Variants in METTL15 observed in about 807,000 individuals in gnomAD.
The protein encoded by METTL15 is 12S rRNA N(4)-cytidine methyltransferase METTL15.
In METTL15, 34 loss-of-function variants were observed where a neutral mutation model predicts 38.3. The observed-to-expected ratio is 0.89, with a 90% CI of 0.68 to 1.18. METTL15 has a LOEUF of 1.18. METTL15 is among the 50% of genes most tolerant of loss of function. METTL15 has a pLI of 0.00. For synonymous variants in METTL15, 162 were observed against 170.9 expected (o/e 0.95, Z 0.41); for missense variants, 438 against 498.4 (o/e 0.88, Z 1.15).
intron 5 of METTL15, among the ~76,000 whole-genome samples, chr11:28,378,885 A>G (rs137971170): frequency 2.6e-5 from 4 of 151,280 alleles, no homozygotes; most frequent in East Asian, 1.9e-4. Flanking sequence ...TTTTATTACA[A>G]CTTTTATCTC....
intron 4 of METTL15, among the ~76,000 whole-genome samples, chr11:28,218,854 A>T (rs1338713031): frequency 8.5e-5 from 13 of 152,134 alleles, no homozygotes. Context: ...TATATGCTGG[A>T]ATACGTTTAT....
chr11:28,135,675 C>G (rs1457029774), intron 3 of METTL15, among the ~76,000 whole-genome samples: 1 of 152,174 alleles, frequency 6.6e-6, no homozygotes, highest in Non-Finnish European at 1.5e-5. Context: ...TGCATAGATG[C>G]AAATAACTAT....
chr11:28,215,107 C>A (rs1179670349), intron 4 of METTL15, among the ~76,000 whole-genome samples: 2 of 152,084 alleles, frequency 1.3e-5, no homozygotes, highest in African/African-American at 4.8e-5. Context: ...TATGATTGGA[C>A]AAAAAGGATA....
At chr11:28,378,353 C>T (rs1171673017) in intron 5 of METTL15, among the ~76,000 whole-genome samples, 1 of 152,206 alleles carries the variant, frequency 6.6e-6, no homozygotes, top group Admixed American at 6.5e-5. Context: ...GATATAATCT[C>T]GTGGTGCATC....
chr11:28,170,214 G>C (rs1850807554), intron 3 of METTL15, among the ~76,000 whole-genome samples: 1 of 152,086 alleles, frequency 6.6e-6, no homozygotes, highest in South Asian at 2.1e-4. Context: ...CACAGGATGG[G>C]GACTTGGACT....
intron 6 of METTL15, among the ~76,000 whole-genome samples, chr11:28,322,132 A>T (rs1209710095): frequency 6.6e-6 from 1 of 152,052 alleles, no homozygotes; most frequent in African/African-American, 2.4e-5. Context: ...AGTGGGAAAA[A>T]CCTTCCTAAA....
At chr11:28,220,896 C>T (rs1313867757) in intron 4 of METTL15, among the ~76,000 whole-genome samples, 1 of 152,214 alleles carries the variant, frequency 6.6e-6, no homozygotes, top group African/African-American at 2.4e-5. Context: ...GGCCCCCACT[C>T]TCTTCTGGCT....
chr11:28,290,437 C>A (rs758129512), intron 5 of METTL15, 40 bp downstream of exon 5: 5 of 1,552,766 alleles, frequency 3.2e-6, no homozygotes, highest in African/African-American at 1.4e-5. Flanking sequence ...AACAAGAAAT[C>A]AATTTGTCAA....
intron 3 of METTL15, among the ~76,000 whole-genome samples, chr11:28,192,495 A>G (rs964487047): frequency 6.7e-6 from 1 of 148,552 alleles, no homozygotes; most frequent in African/African-American, 2.5e-5. Context: ...TAATTTTCTT[A>G]TAATGTGTTT....
At chr11:28,316,740 G>C (rs138738576) in intron 6 of METTL15, among the ~76,000 whole-genome samples, 4 of 152,136 alleles carry the variant, frequency 2.6e-5, no homozygotes, top group Admixed American at 6.6e-5. Context: ...GGTCTTTCCC[G>C]TTTGTTCTCC....
intron 5 of METTL15, among the ~76,000 whole-genome samples, chr11:28,380,014 A>G (rs1440768983): frequency 6.6e-6 from 1 of 152,150 alleles, no homozygotes; most frequent in Non-Finnish European, 1.5e-5. Context: ...TCTGATATAA[A>G]TGTAGCTATT....
intron 3 of METTL15, among the ~76,000 whole-genome samples, chr11:28,174,737 G>C (rs1212884824): frequency 1.3e-5 from 2 of 150,384 alleles, no homozygotes; most frequent in Admixed American, 1.3e-4. Flanking sequence ...ATGGTATGAA[G>C]CCGGGGGGCG....
At chr11:28,389,236 T>TC (rs1486742177) in intron 5 of METTL15, among the ~76,000 whole-genome samples, 5 of 150,518 alleles carry the variant, frequency 3.3e-5, no homozygotes, top group Non-Finnish European at 7.4e-5. Context: ...TTCTAGTTCT[T>TC]TTTTTTTATT....
intron 3 of METTL15, among the ~76,000 whole-genome samples, chr11:28,207,967 A>AT (rs1240657893): frequency 5.3e-5 from 8 of 151,996 alleles, no homozygotes; most frequent in Non-Finnish European, 1.2e-4. Context: ...CCCCTTTATC[A>AT]TTTTTTATTG....
At chr11:28,417,707 G>A (rs952534319) in intron 5 of METTL15, among the ~76,000 whole-genome samples, 1 of 152,142 alleles carries the variant, frequency 6.6e-6, no homozygotes, top group African/African-American at 2.4e-5. Flanking sequence ...GATAGTATTA[G>A]CATAATGCCT....
intron 3 of METTL15, among the ~76,000 whole-genome samples, chr11:28,182,105 G>A (rs1183164992): frequency 6.6e-6 from 1 of 151,922 alleles, no homozygotes; most frequent in Non-Finnish European, 1.5e-5. Context: ...TGATGGGGTT[G>A]TTTGTTTTTT....
chr11:28,335,138 T>C (rs1487793975), downstream of METTL15, among the ~76,000 whole-genome samples: 2 of 152,308 alleles, frequency 1.3e-5, no homozygotes, highest in Admixed American at 6.5e-5. Flanking sequence ...TCTTTATGCT[T>C]TGAGCAATAA....
intron 3 of METTL15, among the ~76,000 whole-genome samples, chr11:28,169,456 G>C (rs1163394951): frequency 6.6e-6 from 1 of 152,064 alleles, no homozygotes; most frequent in Non-Finnish European, 1.5e-5. Context: ...AAAGCAAGTT[G>C]ATATAGAAGA....
intron 5 of METTL15, among the ~76,000 whole-genome samples, chr11:28,368,128 C>CAAAAAAAAA (rs796151908): frequency 6.0e-4 from 19 of 31,926 alleles, no homozygotes; most frequent in East Asian, 9.9e-4. Flanking sequence ...TTCTGCATAG[C>CAAAAAAAAA]AAAAAAAAAA....
Sources: allele counts gnomAD v4.1 joint callset (sites outside exome capture counted in the v4.1 genomes callset), GRCh38; gene constraint gnomAD v4.1.1; transcripts MANE v1.5; gene names NCBI Gene and HGNC (gene_info 2026-07-23, HGNC 2026-07-21).